POU6F1: variants seen among roughly 807,000 people sequenced by gnomAD.
The protein encoded by POU6F1 is POU class 6 homeobox 1, also known as POU domain, class 6, transcription factor 1.
POU6F1 carries 9 observed loss-of-function variants against 28.9 expected under a neutral mutation model. The observed-to-expected ratio is 0.31, with a 90% CI of 0.19 to 0.54. POU6F1 has a LOEUF of 0.54. POU6F1 is among the 20% of genes least tolerant of loss of function. The probability of loss-of-function intolerance (pLI) is 0.94; values close to 1 mark genes in which losing one functional copy is unlikely to be tolerated. For synonymous variants in POU6F1, 173 were observed against 171.1 expected (o/e 1.01, Z -0.09); for missense variants, 338 against 426.1 (o/e 0.79, Z 1.82).
Position 51,192,899 on chromosome 12 carries a change from C to T in POU6F1, c.1180-428G>A, listed in dbSNP as rs192792099. 2.9e-3 allele frequency among the ~76,000 whole-genome samples: 429 copies of T among 149,056 alleles called. 2 individuals carry two copies. The highest frequency in any genetic ancestry group is 0.01 in the Middle Eastern group (3 of 288). ...CAGACTGGGCGACAGAGTGAGACTC[C>T]GTCTCAAAAAAAAAAAAAAGCAAGA... is the stretch of plus-strand genomic sequence containing the variant. On this transcript the variant is annotated intron_variant, in intron 8 of 10. Coordinates refer to ENST00000333640, the MANE Select transcript of POU6F1 (RefSeq NM_001330422.2).
At position 51,204,116 on chromosome 12, in the gene POU6F1, C is replaced by T. The variant is rs12300868; in HGVS notation, c.244+57G>A. On this transcript the variant is annotated intron_variant, in intron 3 of 10. Transcript: ENST00000333640. ...ATTCATGCTGGCTCCCCAGGGACCACAGGAGGGACTTGGCACTCAGGTGGA... is the reference window on the plus strand; with the variant it reads ...ATTCATGCTGGCTCCCCAGGGACCATAGGAGGGACTTGGCACTCAGGTGGA... 1.7e-3 allele frequency: 698 copies of T among 399,042 alleles called. 4 individuals carry two copies. Among genetic ancestry groups the T allele is most frequent in the African/African-American group, 0.013 (633 of 48,752 alleles). The allele number at this position is 399,042 out of a possible 1,614,324, so 24.7% of individuals were successfully genotyped here.
At chr12:51,192,030 C>G (rs1055448891) in intron 9 of POU6F1, among the ~76,000 whole-genome samples, 1 of 152,196 alleles carries the variant, frequency 6.6e-6, no homozygotes, top group African/African-American at 2.4e-5. Context: ...AGGCCTGGCC[C>G]CAAACACACT....
intron 1 of POU6F1, among the ~76,000 whole-genome samples, chr12:51,216,847 G>T (rs1944311027): frequency 1.3e-5 from 2 of 152,154 alleles, no homozygotes; most frequent in South Asian, 4.1e-4. Context: ...CCCAGCCGCA[G>T]AGGCTATTCT....
At chr12:51,196,330 T>G (rs975723618) in intron 7 of POU6F1, among the ~76,000 whole-genome samples, 157 bp from the exon 8 acceptor site, 63 of 152,282 alleles carry the variant, frequency 4.1e-4, no homozygotes, top group African/African-American at 1.5e-3. Flanking sequence ...GGATTCACAC[T>G]CTAAGGGCTA....
rs750339632 is a variant in POU6F1, at chr12:51,190,589, G to C, written c.1494C>G (p.Phe498Leu). ...PAYSQSAICRFEKLDITPKSA... is the reference protein window; with the variant it reads ...PAYSQSAICRLEKLDITPKSA... ...TCTTGGGTGTGATGTCTAGCTTCTCGAACCTGTGGGCAACCCATACCCAGG... is the reference window on the plus strand; with the variant it reads ...TCTTGGGTGTGATGTCTAGCTTCTCCAACCTGTGGGCAACCCATACCCAGG... Residue 498 changes from phenylalanine to leucine, a missense_variant, in exon 11 of 11, where the codon TTC becomes TTG. Phe to Leu is a conservative substitution (Grantham distance 22). Coordinates refer to ENST00000333640, the MANE Select transcript of POU6F1 (RefSeq NM_001330422.2). The surrounding 1 kb of genome is among the most constrained non-coding windows in gnomAD (Gnocchi z 4.5). 5 of 1,611,878 alleles carry C rather than the reference G, an allele frequency of 3.1e-6. No homozygotes were observed. The Admixed American group carries it at 6.7e-5, about 22-fold the overall frequency.
At position 51,199,778 on chromosome 12, in the gene POU6F1, AGGGT is replaced by A; in HGVS notation, c.331_334del (p.Thr111Ter). 2.5e-6 allele frequency: 1 copy of A among 399,208 alleles called. No individual in the cohort carries two copies. The highest frequency in any genetic ancestry group is 3.6e-5 in the East Asian group (1 of 28,072). The allele number at this position is 399,208 out of a possible 1,614,324, so 24.7% of individuals were successfully genotyped here. ...GGCAGCTTGTACAGCCAGTGGCGTC[AGGGT>A]CTGCGATGCCTGAGGCTGGCTTGGG... On this transcript the variant is annotated frameshift_variant, in exon 4 of 11. Coordinates refer to ENST00000333640, the MANE Select transcript of POU6F1 (RefSeq NM_001330422.2). LOFTEE classifies it high-confidence loss of function. This position sits in a 1 kb window ranked among gnomAD's most constrained non-coding sequence, Gnocchi z 4.1.
chr12:51,194,173 C>T (rs1480271056), intron 8 of POU6F1, among the ~76,000 whole-genome samples: 2 of 152,104 alleles, frequency 1.3e-5, no homozygotes, highest in Non-Finnish European at 2.9e-5. Flanking sequence ...ATTACAGGTG[C>T]CCGCCACCAC....
Position 51,190,620 on chromosome 12 carries a change from G to T in POU6F1, c.1491-28C>A. ...GTGGGCAACCCATACCCAGGAAGAG[G>T]CAGTGAGAGCATGTTGGTCTCTTTG... On this transcript the variant is annotated intron_variant, in intron 10 of 10. Coordinates refer to ENST00000333640, the MANE Select transcript of POU6F1 (RefSeq NM_001330422.2). This position sits in a 1 kb window ranked among gnomAD's most constrained non-coding sequence, Gnocchi z 4.5. 1 of 1,604,140 alleles carries T rather than the reference G, an allele frequency of 6.2e-7. No individual in the cohort carries two copies. Among genetic ancestry groups the T allele is most frequent in the Non-Finnish European group, 8.5e-7 (1 of 1,174,732 alleles).
At chr12:51,212,891 A>G (rs533204303) in intron 1 of POU6F1, among the ~76,000 whole-genome samples, 2 of 151,952 alleles carry the variant, frequency 1.3e-5, no homozygotes, top group Admixed American at 6.6e-5. Context: ...AACAGAAAGC[A>G]GTAAAGAATC....
chr12:51,190,662 G>A lies in POU6F1; in HGVS notation c.1491-70C>T, dbSNP rs533615358. The stretch of plus-strand genomic sequence containing the variant: ...GTCTCTTTGGCACACCCCGCACCTA[G>A]GTGCAGGCTCCATCCTCAAGGGGCC... On this transcript the variant is annotated intron_variant, in intron 10 of 10. Coordinates refer to ENST00000333640, the MANE Select transcript of POU6F1 (RefSeq NM_001330422.2). The surrounding 1 kb of genome is among the most constrained non-coding windows in gnomAD (Gnocchi z 4.5). The A allele has an allele frequency of 2.3e-4, 359 of 1,559,158 alleles. No homozygotes were observed. Among genetic ancestry groups the A allele is most frequent in the Middle Eastern group, 4.1e-4 (2 of 4,822 alleles).
chr12:51,211,801 G>A (rs553775319), intron 1 of POU6F1, among the ~76,000 whole-genome samples: 1 of 152,266 alleles, frequency 6.6e-6, no homozygotes, highest in East Asian at 1.9e-4. Flanking sequence ...AGCAGCCTCA[G>A]GGGTAGAAGG....
At chr12:51,200,351 C>T (rs950238855) in intron 3 of POU6F1, among the ~76,000 whole-genome samples, 1 of 152,204 alleles carries the variant, frequency 6.6e-6, no homozygotes, top group Non-Finnish European at 1.5e-5. Context: ...TCCTGAAGGG[C>T]AAAGTCCTGG....
intron 1 of POU6F1, among the ~76,000 whole-genome samples, chr12:51,212,776 C>CAAAAAAA (rs1176606531): frequency 1.7e-3 from 63 of 37,640 alleles, no homozygotes; most frequent in Admixed American, 1.8e-3. Flanking sequence ...AACTCCGTCT[C>CAAAAAAA]AAAAAAAAAA....
At chr12:51,201,566 G>A (rs1365682137) in intron 3 of POU6F1, 2 of 149,926 alleles carry the variant, frequency 1.3e-5, no homozygotes, top group African/African-American at 4.9e-5. Context: ...GCAAACATAA[G>A]GAGAGTCTGA....
chr12:51,191,360 G>A (rs1003795502), intron 10 of POU6F1, among the ~76,000 whole-genome samples: 6 of 152,188 alleles, frequency 3.9e-5, no homozygotes, highest in Non-Finnish European at 7.3e-5. Flanking sequence ...CCCCAAAGAA[G>A]ACCCATATTA....
Position 51,191,621 on chromosome 12 carries a change from C to T in POU6F1, c.1465G>A (p.Ala489Thr). The change falls in exon 10 of 11, where the codon GCC (alanine) becomes ACC (threonine). Residue 489 changes from alanine (A) to threonine (T), a missense_variant. Coordinates refer to ENST00000333640, the MANE Select transcript of POU6F1 (RefSeq NM_001330422.2). ...GQALTATEGP[A>T]YSQSAICRFE... The stretch of plus-strand genomic sequence containing the variant: ...CGGCAGATGGCTGACTGGCTGTAGG[C>T]TGGACCTTCCGTTGCAGTCAGAGCC... 2 of 1,613,574 alleles carry T rather than the reference C, an allele frequency of 1.2e-6. No homozygotes were observed. The highest frequency in any genetic ancestry group is 1.7e-6 in the Non-Finnish European group (2 of 1,180,046).
At chr12:51,216,502 GC>G (rs1306973627) in intron 1 of POU6F1, among the ~76,000 whole-genome samples, 1 of 152,218 alleles carries the variant, frequency 6.6e-6, no homozygotes, top group Non-Finnish European at 1.5e-5. Context: ...TCAGAGCATG[GC>G]ACTGAGTGGG....
intron 8 of POU6F1, among the ~76,000 whole-genome samples, chr12:51,195,004 C>A (rs567485059): frequency 6.6e-6 from 1 of 152,354 alleles, no homozygotes; most frequent in South Asian, 2.1e-4. Context: ...AGGTGGGACC[C>A]AGGAATCTTC....
chr12:51,204,579 C>T (rs1943452063), intron 2 of POU6F1, among the ~76,000 whole-genome samples: 1 of 152,168 alleles, frequency 6.6e-6, no homozygotes, highest in Non-Finnish European at 1.5e-5. Flanking sequence ...AAAGCAGGCC[C>T]TGGTGACAGG....
Sources: allele counts gnomAD v4.1 joint callset (sites outside exome capture counted in the v4.1 genomes callset), GRCh38; gene constraint gnomAD v4.1.1; non-coding constraint Gnocchi (gnomAD v3.1); transcripts MANE v1.5; gene names NCBI Gene and HGNC (gene_info 2026-07-23, HGNC 2026-07-21).